Variants in TEX2 observed in about 807,000 individuals in gnomAD.
The protein encoded by TEX2 is testis expressed 2.
In TEX2, 53 loss-of-function variants were observed where a neutral mutation model predicts 106.9. That is an observed-to-expected ratio of 0.50 (90% CI 0.40 to 0.62). The LOEUF is 0.62. TEX2 is among the 20% of genes least tolerant of loss of function. The pLI, the probability that TEX2 is intolerant of heterozygous loss-of-function variation, is 0.00. For synonymous variants in TEX2, 523 were observed against 534.8 expected, an observed-to-expected ratio of 0.98 and a Z score of 0.30; for missense variants, 1,207 against 1,379.0, an observed-to-expected ratio of 0.88 and a Z score of 1.98.
In TEX2 at chr17:64,213,473, G is replaced by T; in HGVS notation, c.745C>A (p.Gln249Lys). The change falls in exon 2 of 12, where the codon CAG becomes AAG. Residue 249 changes from glutamine to lysine, a missense_variant. Gln to Lys is a moderately conservative substitution (Grantham distance 53). Around this residue, in one of 3 missense-constraint regions of TEX2, gnomAD observed 1,067 missense variants for 1,193.6 expected, o/e 0.89. Transcript: ENST00000584379. The surrounding 1 kb of genome is among the most constrained non-coding windows in gnomAD (Gnocchi z 4.4). ...CCTGTGTTTCGGGGCTGTGTGAACT[G>T]CTTGAACAGGTGTAAGTTCAGTTTG... ...DSKLNLHLFK[Q>K]FTQPRNTGGD... 1 of 1,614,168 alleles carries T rather than the reference G, an allele frequency of 6.2e-7. No homozygotes were observed. The highest frequency in any genetic ancestry group is 8.5e-7 in the Non-Finnish European group (1 of 1,180,032).
At chr17:64,191,817 C>CAAAAAA (rs58376086) in intron 4 of TEX2, among the ~76,000 whole-genome samples, 1 of 119,914 alleles carries the variant, frequency 8.3e-6, no homozygotes, top group African/African-American at 3.7e-5. Flanking sequence ...GACTCCATCT[C>CAAAAAA]AAAAAAAAAA....
chr17:64,197,712 C>T (rs1442467976), intron 2 of TEX2, among the ~76,000 whole-genome samples: 1 of 152,142 alleles, frequency 6.6e-6, no homozygotes, highest in Non-Finnish European at 1.5e-5. Context: ...ATACGTGTCA[C>T]TACACCAAGC....
In TEX2 at chr17:64,255,167, T is replaced by TA. The variant is rs1158652670; in HGVS notation, c.-26+8000dup. Among the ~76,000 whole-genome samples, 279 of 145,324 alleles carry TA rather than the reference T, an allele frequency of 1.9e-3. 4 individuals are homozygous for TA. The East Asian group carries it at 0.022, about 12-fold the overall frequency. ...GACATAAGCCACAGCACCTGGCCTT[T>TA]AAAAAAAAAAAATGTACCTTGCACA... On this transcript the variant is annotated intron_variant, in intron 1 of 11. Coordinates refer to ENST00000584379, the MANE Select transcript of TEX2 (RefSeq NM_001288732.2).
intron 1 of TEX2, among the ~76,000 whole-genome samples, chr17:64,224,902 C>T (rs2033462102): frequency 6.6e-6 from 1 of 151,496 alleles, no homozygotes; most frequent in Non-Finnish European, 1.5e-5. Flanking sequence ...TTCAGCACAA[C>T]CATACAAGGC....
At chr17:64,182,644 C>G (rs1360478722) in intron 5 of TEX2, among the ~76,000 whole-genome samples, 2 of 152,142 alleles carry the variant, frequency 1.3e-5, no homozygotes, top group African/African-American at 4.8e-5. Context: ...CCCCATCCCC[C>G]TGCCCACCAG....
chr17:64,213,839 A>G lies in TEX2; in HGVS notation c.379T>C (p.Leu127=), dbSNP rs1471024796. The part of the protein sequence containing the change: ...LESPVPAAQV[L]STVPLAVSPG... ...GACACAGCCAATGGCACTGTACTTA[A>G]TACTTGTGCTGCTGGAACAGGGGAC... The change falls in exon 2 of 12, where the codon TTA becomes CTA. Residue 127 remains leucine, a synonymous_variant. Transcript: ENST00000584379. This position sits in a 1 kb window ranked among gnomAD's most constrained non-coding sequence, Gnocchi z 4.4. The G allele has an allele frequency of 6.2e-7, 1 of 1,614,102 alleles. No individual in the cohort carries two copies. The highest frequency in any genetic ancestry group is 8.5e-7 in the Non-Finnish European group (1 of 1,180,048).
chr17:64,251,736 C>T (rs1208511177), intron 1 of TEX2, among the ~76,000 whole-genome samples: 2 of 152,090 alleles, frequency 1.3e-5, no homozygotes, highest in African/African-American at 4.8e-5. Context: ...ACACAACTGC[C>T]CAGCTTCTTT....
At chr17:64,239,904 A>AAAAAAAAAAAAAAAAAAG (rs781859721) in intron 1 of TEX2, among the ~76,000 whole-genome samples, 11 of 118,846 alleles carry the variant, frequency 9.3e-5, no homozygotes, top group South Asian at 8.4e-4. Flanking sequence ...AAAAAAAAAA[A>AAAAAAAAAAAAAAAAAAG]GCAGAGAAGA....
At chr17:64,262,497 C>CCGGTTCCA (rs1468053501) in intron 1 of TEX2, among the ~76,000 whole-genome samples, 1 of 152,364 alleles carries the variant, frequency 6.6e-6, no homozygotes, top group South Asian at 2.1e-4. Context: ...CCCGCCTTCT[C>CCGGTTCCA]CGGTTCCACC....
intron 1 of TEX2, among the ~76,000 whole-genome samples, chr17:64,223,125 G>A (rs930043521): frequency 1.3e-5 from 2 of 152,050 alleles, no homozygotes; most frequent in Admixed American, 6.6e-5. Flanking sequence ...AAAAACAAAG[G>A]CCTCAAACTG....
Position 64,188,235 on chromosome 17 carries a change from T to C in TEX2, c.2357A>G (p.Gln786Arg), listed in dbSNP as rs1254323004. The change falls in exon 5 of 12, where the codon CAG becomes CGG. Residue 786 changes from glutamine to arginine, a missense_variant. Around this residue, in one of 3 missense-constraint regions of TEX2, gnomAD observed 1,067 missense variants for 1,193.6 expected, o/e 0.89. Coordinates refer to ENST00000584379, the MANE Select transcript of TEX2 (RefSeq NM_001288732.2). Reference sequence around the variant, plus strand: ...GCTCCTCTGGGGGCTTCGGCTTTCCTGGGGGACACACCTGCCCATGTACAC... The same window carrying C: ...GCTCCTCTGGGGGCTTCGGCTTTCCCGGGGGACACACCTGCCCATGTACAC... The part of the protein sequence containing the change: ...YSVYMGRCVP[Q>R]ESRSPQRSPL... 2.5e-6 allele frequency: 4 copies of C among 1,613,644 alleles called. No homozygotes were observed. Among genetic ancestry groups the C allele is most frequent in the Middle Eastern group, 1.8e-4 (1 of 5,700 alleles).
At chr17:64,251,937 G>C (rs1426065182) in intron 1 of TEX2, among the ~76,000 whole-genome samples, 1 of 152,190 alleles carries the variant, frequency 6.6e-6, no homozygotes, top group Non-Finnish European at 1.5e-5. Context: ...AGGTCAGAGG[G>C]AGGAGAAAGG....
chr17:64,227,523 AATT>A (rs1441542228), intron 1 of TEX2, among the ~76,000 whole-genome samples: 3 of 152,340 alleles, frequency 2.0e-5, no homozygotes, highest in African/African-American at 7.2e-5. Flanking sequence ...ATCTTTTAAA[AATT>A]ATTATAATCA....
chr17:64,254,683 C>G (rs901296433), intron 1 of TEX2, among the ~76,000 whole-genome samples: 1 of 152,186 alleles, frequency 6.6e-6, no homozygotes, highest in Admixed American at 6.5e-5. Flanking sequence ...TTTCATGCTA[C>G]AAGTGAATAC....
At chr17:64,246,452 G>T (rs2033990199) in intron 1 of TEX2, among the ~76,000 whole-genome samples, 1 of 152,010 alleles carries the variant, frequency 6.6e-6, no homozygotes, top group South Asian at 2.1e-4. Context: ...TCACCATATT[G>T]GCCAGTCTGG....
chr17:64,254,853 T>C (rs1001818297), intron 1 of TEX2, among the ~76,000 whole-genome samples: 2 of 152,074 alleles, frequency 1.3e-5, no homozygotes, highest in Non-Finnish European at 2.9e-5. Flanking sequence ...GGACAAACAC[T>C]GTCCTTTTTT....
Position 64,150,355 on chromosome 17 carries a change from G to A in TEX2, c.3261+486C>T, listed in dbSNP as rs536184168. The A allele has an allele frequency of 2.6e-5, 4 of 152,432 alleles. No homozygotes were observed. In the East Asian group the frequency reaches 5.8e-4, roughly 22 times the overall value. 9.4% of individuals were successfully genotyped at this position (152,432 alleles called of 1,614,324 possible). ...ACTACACTAGAAGCTACCCAGGGGA[G>A]GGAGAGGCCAGATTCATCTTTGGAC... is the stretch of plus-strand genomic sequence containing the variant. On this transcript the variant is annotated intron_variant, in intron 11 of 11. Transcript: ENST00000584379.
rs763050400 is a variant in TEX2 at position 64,193,789 on chromosome 17, G to A, written c.1946C>T (p.Ala649Val). 1.2e-6 allele frequency: 2 copies of A among 1,611,946 alleles called. No homozygotes were observed. The highest frequency in any genetic ancestry group is 4.5e-5 in the East Asian group (2 of 44,814). ...TTCTGAAGTCTCCTTATCAGTCTGA[G>A]CTTTAGACATAAAGTCATCTTGCTG... ...LGQQDDFMSK[A>V]QTDKETSEEK... The change falls in exon 4 of 12, where the codon GCT becomes GTT. Residue 649 changes from alanine to valine, a missense_variant. Transcript: ENST00000584379.
chr17:64,248,113 G>A (rs1235406811), intron 1 of TEX2, among the ~76,000 whole-genome samples: 6 of 152,086 alleles, frequency 3.9e-5, no homozygotes, highest in African/African-American at 1.2e-4. Flanking sequence ...GTGGGAAAAC[G>A]GCTGGTTACT....
Sources: allele counts gnomAD v4.1 joint callset (sites outside exome capture counted in the v4.1 genomes callset), GRCh38; gene constraint gnomAD v4.1.1; regional missense constraint gnomAD v4.1.1; non-coding constraint Gnocchi (gnomAD v3.1); transcripts MANE v1.5; gene names NCBI Gene and HGNC (gene_info 2026-07-23, HGNC 2026-07-21).